The following CCDC7 variants were observed in gnomAD, a reference collection of about 807,000 sequenced individuals.
The protein encoded by CCDC7 is coiled-coil domain containing 7, also known as coiled-coil domain-containing protein 7.
A neutral mutation model predicts 196.9 loss-of-function variants in CCDC7; 183 were observed. The observed-to-expected ratio is 0.93, with a 90% CI of 0.82 to 1.05. The LOEUF is 1.05. Ranked by LOEUF, CCDC7 falls within the 50% of genes least tolerant of loss-of-function variation. CCDC7 has a pLI of 0.00. For synonymous variants in CCDC7, 525 were observed against 484.6 expected (o/e 1.08, Z -1.10); for missense variants, 1,540 against 1,482.2 (o/e 1.04, Z -0.64).
intron 41 of CCDC7, among the ~76,000 whole-genome samples, chr10:32,860,249 C>G (rs186411733): frequency 6.6e-6 from 1 of 152,300 alleles, no homozygotes; most frequent in East Asian, 1.9e-4. Flanking sequence ...GGATGCAAGG[C>G]TGGTTCAGCA....
At chr10:32,783,252 A>T (rs967862659) in intron 29 of CCDC7, among the ~76,000 whole-genome samples, 1 of 152,234 alleles carries the variant, frequency 6.6e-6, no homozygotes, top group African/African-American at 2.4e-5. Context: ...AAATATTTGC[A>T]AATTACATAT....
chr10:32,535,716 T>G (rs961311585), intron 11 of CCDC7, among the ~76,000 whole-genome samples: 1 of 152,132 alleles, frequency 6.6e-6, no homozygotes. Context: ...TTTAGACCTT[T>G]AAGAGGTGCT....
chr10:32,671,022 T>C (rs1176958895), intron 21 of CCDC7, among the ~76,000 whole-genome samples: 1 of 152,144 alleles, frequency 6.6e-6, no homozygotes, highest in Non-Finnish European at 1.5e-5. Context: ...GTAAAAAACA[T>C]TAAAAGTTTA....
intron 15 of CCDC7, among the ~76,000 whole-genome samples, chr10:32,571,301 G>T (rs2057525587): frequency 6.6e-6 from 1 of 152,096 alleles, no homozygotes; most frequent in Non-Finnish European, 1.5e-5. Context: ...GAGCCACCTT[G>T]CCCGGCTGGC....
intron 22 of CCDC7, 60 bp downstream of exon 23, chr10:32,686,140 T>A: frequency 2.4e-6 from 2 of 823,398 alleles, no homozygotes; most frequent in Non-Finnish European, 3.7e-6. Context: ...GCAAAGGTAT[T>A]TTTCTTCAGT....
intron 11 of CCDC7, among the ~76,000 whole-genome samples, chr10:32,519,139 G>C (rs2047495023): frequency 6.6e-6 from 1 of 152,144 alleles, no homozygotes; most frequent in Non-Finnish European, 1.5e-5. Context: ...GTTAGAGAAG[G>C]AGTAGTCTTA....
chr10:32,539,200 G>T (rs2051001575), intron 11 of CCDC7, among the ~76,000 whole-genome samples: 2 of 151,880 alleles, frequency 1.3e-5, no homozygotes, highest in African/African-American at 4.8e-5. Flanking sequence ...TTATTGGTCT[G>T]CTCAGGGATT....
intron 21 of CCDC7, among the ~76,000 whole-genome samples, chr10:32,677,599 G>C (rs1461575174): frequency 6.6e-6 from 1 of 151,734 alleles, no homozygotes; most frequent in Non-Finnish European, 1.5e-5. Flanking sequence ...ATAGTTTTAT[G>C]GGTTTATCTT....
At chr10:32,534,174 C>T (rs2050117535) in intron 11 of CCDC7, among the ~76,000 whole-genome samples, 1 of 152,012 alleles carries the variant, frequency 6.6e-6, no homozygotes, top group Non-Finnish European at 1.5e-5. Context: ...CTACTTGGTC[C>T]ATTCTGCTGT....
chr10:32,467,127 G>A (rs1188849928), intron 5 of CCDC7, among the ~76,000 whole-genome samples: 1 of 149,854 alleles, frequency 6.7e-6, no homozygotes, highest in Non-Finnish European at 1.5e-5. Flanking sequence ...TTTTGAGACA[G>A]AGTCTTGCTC....
At chr10:32,633,217 A>G (rs398046354) in intron 18 of CCDC7, among the ~76,000 whole-genome samples, 12 of 48,410 alleles carry the variant, frequency 2.5e-4, no homozygotes, top group South Asian at 1.2e-3. Flanking sequence ...GTGCACGCAC[A>G]CACACACACA....
chr10:32,515,001 T>C (rs1485327144), intron 9 of CCDC7, among the ~76,000 whole-genome samples: 2 of 152,050 alleles, frequency 1.3e-5, no homozygotes, highest in African/African-American at 4.8e-5. Flanking sequence ...TTAAAAAATT[T>C]TTTTTGTAGG....
At chr10:32,705,266 A>G (rs899100874) in intron 24 of CCDC7, among the ~76,000 whole-genome samples, 7 of 152,108 alleles carry the variant, frequency 4.6e-5, no homozygotes, top group South Asian at 4.1e-4. Context: ...ACAAGCAAGT[A>G]GTGAGAGATT....
intron 9 of CCDC7, among the ~76,000 whole-genome samples, chr10:32,515,644 C>T (rs969066394): frequency 6.6e-6 from 1 of 151,830 alleles, no homozygotes; most frequent in Non-Finnish European, 1.5e-5. Context: ...CCCGGGTTCA[C>T]GCCATTCTTC....
chr10:32,817,187 T>C (rs983991633), intron 31 of CCDC7, among the ~76,000 whole-genome samples: 12 of 152,078 alleles, frequency 7.9e-5, no homozygotes, highest in African/African-American at 2.7e-4. Context: ...GTACGCGACG[T>C]ATGCACAAGC....
chr10:32,824,430 T>C, intron 31 of CCDC7, 88 bp from the exon 33 acceptor site: 2 of 722,758 alleles, frequency 2.8e-6, no homozygotes, highest in Non-Finnish European at 4.5e-6. Flanking sequence ...ATGAAGAATA[T>C]TAATTATGAT....
At chr10:32,527,140 G>T (rs2048801338) in intron 11 of CCDC7, among the ~76,000 whole-genome samples, 1 of 152,248 alleles carries the variant, frequency 6.6e-6, no homozygotes, top group Non-Finnish European at 1.5e-5. Flanking sequence ...CTCCCTCCAT[G>T]TGTGGGTGCT....
chr10:32,700,101 T>A (rs1398127917), intron 24 of CCDC7, among the ~76,000 whole-genome samples: 1 of 149,608 alleles, frequency 6.7e-6, no homozygotes, highest in Non-Finnish European at 1.5e-5. Flanking sequence ...GCCATTGCTT[T>A]TGGTGTTTTA....
intron 29 of CCDC7, among the ~76,000 whole-genome samples, chr10:32,779,336 A>G (rs1204791541): frequency 6.6e-6 from 1 of 152,220 alleles, no homozygotes; most frequent in African/African-American, 2.4e-5. Context: ...CAAAATACAT[A>G]TAGGCTTTCC....
Sources: gnomAD v4.1 joint callset for allele counts (sites outside exome capture counted in the v4.1 genomes callset) on GRCh38, gnomAD v4.1.1 for gene constraint, MANE v1.5 for transcripts, NCBI Gene and HGNC (gene_info 2026-07-23, HGNC 2026-07-21) for gene names.